The following KCNIP4 variants were observed in gnomAD, a reference collection of about 807,000 sequenced individuals.
KCNIP4 encodes the protein Kv channel-interacting protein 4.
In KCNIP4, 12 loss-of-function variants were observed where a neutral mutation model predicts 34.0. That is an observed-to-expected ratio of 0.35 (90% CI 0.23 to 0.57). The LOEUF is 0.57. Ranked by LOEUF, KCNIP4 falls within the 20% of genes least tolerant of loss-of-function variation. KCNIP4 has a pLI of 0.83. For synonymous variants in KCNIP4, 124 were observed against 102.2 expected (o/e 1.21, Z -1.29); for missense variants, 238 against 311.7 (o/e 0.76, Z 1.78).
rs1553945858 is a variant in KCNIP4, at chr4:21,147,962, A to AAAAAAAAAG, written c.62-265254_62-265253insCTTTTTTTT. Among the ~76,000 whole-genome samples the AAAAAAAAAG allele has an allele frequency of 1.8e-3, 217 of 123,798 alleles. 2 individuals carry two copies. The highest frequency in any genetic ancestry group is 2.2e-3 in the Non-Finnish European group (129 of 58,246). 81.2% of individuals were successfully genotyped at this position (123,798 alleles called of 152,430 possible). A position where few individuals can be genotyped will look rare whatever the true frequency, so the allele number is the denominator to read the frequency against. On this transcript the variant is annotated intron_variant, in intron 1 of 8. Transcript: ENST00000382152. ...CTCAAAAAAAAAAAAAAAAAAAAAG[A>AAAAAAAAAG]AAAAAAGTTCAAGTACTTTGGGAAT...
chr4:20,873,362 A>C (rs1450512269), intron 2 of KCNIP4, among the ~76,000 whole-genome samples: 1 of 152,214 alleles, frequency 6.6e-6, no homozygotes, highest in East Asian at 1.9e-4. Flanking sequence ...GTTCAGGCTT[A>C]AAATAGCATT....
intron 1 of KCNIP4, among the ~76,000 whole-genome samples, chr4:21,926,826 A>G (rs151337191): frequency 0.014 from 2,057 of 152,288 alleles, 40 homozygotes; most frequent in African/African-American, 0.046. Context: ...TTCTCTAAGT[A>G]TGTTGTTTAT....
rs770534647 is a variant in KCNIP4, at chr4:21,538,114, C to T, written c.61+410457G>A. 4.7e-4 allele frequency among the ~76,000 whole-genome samples: 70 copies of T among 149,734 alleles called. 1 individual carries two copies. Among genetic ancestry groups the T allele is most frequent in the Middle Eastern group, 7.1e-3 (2 of 282 alleles). The stretch of plus-strand genomic sequence containing the variant: ...GAACAGATGGAGGCAGAGATTGGAG[C>T]GATGCATTTATAAGCCTAAGAATGC... On this transcript the variant is annotated intron_variant, in intron 1 of 8. Transcript: ENST00000382152.
intron 1 of KCNIP4, among the ~76,000 whole-genome samples, chr4:21,411,743 TG>T (rs1724528433): frequency 6.6e-6 from 1 of 152,034 alleles, no homozygotes. Context: ...GGGGCCAAAG[TG>T]GGAGGATCAC....
chr4:21,479,715 A>G (rs1731268862), intron 1 of KCNIP4, among the ~76,000 whole-genome samples: 1 of 152,176 alleles, frequency 6.6e-6, no homozygotes, highest in Non-Finnish European at 1.5e-5. Flanking sequence ...TTCTTAGGAA[A>G]AAAAACATTG....
intron 1 of KCNIP4, among the ~76,000 whole-genome samples, chr4:21,546,590 G>A (rs972538298): frequency 6.6e-6 from 1 of 151,956 alleles, no homozygotes; most frequent in South Asian, 2.1e-4. Context: ...TTCTTAAAAG[G>A]TATTTGCATT....
chr4:21,857,904 G>T (rs1724854242), intron 1 of KCNIP4, among the ~76,000 whole-genome samples: 1 of 152,160 alleles, frequency 6.6e-6, no homozygotes, highest in Non-Finnish European at 1.5e-5. Flanking sequence ...CCTCTTTGGG[G>T]TTCTGCAGTT....
chr4:21,738,761 T>C (rs1251618352), intron 1 of KCNIP4, among the ~76,000 whole-genome samples: 1 of 152,190 alleles, frequency 6.6e-6, no homozygotes. Context: ...CCATTTCCCC[T>C]GTCTTCCCCA....
In KCNIP4 at chr4:21,629,849, CTTT is replaced by C. The variant is rs5856652; in HGVS notation, c.61+318719_61+318721del. ...ACCATATTTCCTTTTCTTTTTCTTT[CTTT>C]TTTTTTTTTTTTTTTTGAGACAGGG... is the stretch of plus-strand genomic sequence containing the variant. On this transcript the variant is annotated intron_variant, in intron 1 of 8. Coordinates refer to ENST00000382152, the MANE Select transcript of KCNIP4 (RefSeq NM_025221.6). Among the ~76,000 whole-genome samples, 222 of 87,780 alleles carry C rather than the reference CTTT, an allele frequency of 2.5e-3. 1 individual carries two copies. The highest frequency in any genetic ancestry group is 9.4e-3 in the African/African-American group (197 of 20,944). 57.6% of individuals were successfully genotyped at this position (87,780 alleles called of 152,430 possible). A position where few individuals can be genotyped will look rare whatever the true frequency, so the allele number is the denominator to read the frequency against.
At chr4:21,035,075 C>CT (rs1741337894) in intron 1 of KCNIP4, among the ~76,000 whole-genome samples, 1 of 152,178 alleles carries the variant, frequency 6.6e-6, no homozygotes, top group South Asian at 2.1e-4. Flanking sequence ...ACTACATTTG[C>CT]TTTTAATGGA....
chr4:21,075,676 G>T (rs549699030), intron 1 of KCNIP4, among the ~76,000 whole-genome samples: 129 of 152,284 alleles, frequency 8.5e-4, no homozygotes, highest in African/African-American at 2.8e-3. Context: ...ATTTGATCCT[G>T]TCATTATGAT....
At chr4:21,868,450 C>T (rs981960631) in intron 1 of KCNIP4, among the ~76,000 whole-genome samples, 1 of 152,148 alleles carries the variant, frequency 6.6e-6, no homozygotes, top group Admixed American at 6.5e-5. Context: ...AAATGTATGA[C>T]TAAGTCTGCT....
chr4:20,773,385 T>A (rs1756084104), intron 3 of KCNIP4, among the ~76,000 whole-genome samples: 1 of 152,198 alleles, frequency 6.6e-6, no homozygotes, highest in Admixed American at 6.5e-5. Flanking sequence ...CTGTGTCTAG[T>A]ACTTCAGTGC....
intron 2 of KCNIP4, among the ~76,000 whole-genome samples, chr4:20,855,405 G>C (rs1721464006): frequency 6.6e-6 from 1 of 152,108 alleles, no homozygotes; most frequent in African/African-American, 2.4e-5. Context: ...AAGGGTCTAA[G>C]GATAACAGTC....
chr4:21,925,053 TAGA>T (rs1729157376), intron 1 of KCNIP4, among the ~76,000 whole-genome samples: 1 of 152,186 alleles, frequency 6.6e-6, no homozygotes, highest in Non-Finnish European at 1.5e-5. Flanking sequence ...TGTCAACTCT[TAGA>T]AGATGTCATT....
intron 1 of KCNIP4, among the ~76,000 whole-genome samples, chr4:21,065,570 C>T (rs1380534070): frequency 1.3e-5 from 2 of 151,642 alleles, no homozygotes; most frequent in Non-Finnish European, 2.9e-5. Context: ...CTAAGTTCTA[C>T]AAGCACAAAT....
rs139696783 is a variant in KCNIP4, at chr4:21,417,274, GGTGTGT to G, written c.61+531291_61+531296del. Among the ~76,000 whole-genome samples, 67 of 150,150 alleles carry G rather than the reference GGTGTGT, an allele frequency of 4.5e-4. 2 individuals are homozygous for G. In the East Asian group the frequency reaches 0.012, roughly 27 times the overall value. Reference sequence around the variant, plus strand: ...CATGTTGGAAAATTATGTTTCTTGAGGTGTGTGTGTGTGTGTGTGTCTGTTTGTCTG... The same window carrying G: ...CATGTTGGAAAATTATGTTTCTTGAGGTGTGTGTGTGTGTCTGTTTGTCTG... On this transcript the variant is annotated intron_variant, in intron 1 of 8. Coordinates refer to ENST00000382152, the MANE Select transcript of KCNIP4 (RefSeq NM_025221.6).
chr4:21,297,611 C>T (rs765796012), intron 1 of KCNIP4, among the ~76,000 whole-genome samples: 4 of 152,098 alleles, frequency 2.6e-5, no homozygotes, highest in Non-Finnish European at 5.9e-5. Flanking sequence ...CTCTCTGGGA[C>T]TCAGTTTCCT....
chr4:21,149,977 G>C (rs530191747), intron 1 of KCNIP4, among the ~76,000 whole-genome samples: 5 of 152,254 alleles, frequency 3.3e-5, no homozygotes, highest in Middle Eastern at 3.4e-3. Context: ...AGACAAAAGA[G>C]AGAAATGCAT....
Sources: gnomAD v4.1 joint callset for allele counts (sites outside exome capture counted in the v4.1 genomes callset) on GRCh38, gnomAD v4.1.1 for gene constraint, MANE v1.5 for transcripts, NCBI Gene and HGNC (gene_info 2026-07-23, HGNC 2026-07-21) for gene names.